Variants in EFCAB7 observed in about 807,000 individuals in gnomAD.
EFCAB7 encodes EF-hand calcium binding domain 7.
EFCAB7 carries 66 observed loss-of-function variants against 77.1 expected under a neutral mutation model. That is an observed-to-expected ratio of 0.86 (90% CI 0.70 to 1.05). The LOEUF (loss-of-function observed/expected upper bound fraction) is 1.05, where lower values mean the gene tolerates loss of function less well. Ranked by LOEUF, EFCAB7 falls within the 50% of genes least tolerant of loss-of-function variation. The probability of loss-of-function intolerance (pLI) is 0.00; values close to 1 mark genes in which losing one functional copy is unlikely to be tolerated. For missense variants in EFCAB7, 638 were observed against 730.5 expected (o/e 0.87, Z 1.46); for synonymous variants, 225 against 243.3 (o/e 0.92, Z 0.70).
In EFCAB7 at chr1:63,534,163, A is replaced by G; in HGVS notation, c.751A>G (p.Met251Val). The G allele has an allele frequency of 6.2e-7, 1 of 1,613,322 alleles. No homozygotes were observed. Among genetic ancestry groups the G allele is most frequent in the East Asian group, 2.2e-5 (1 of 44,804 alleles). ...AACATCTGTTTCCTTCACAGTTACCATGGGGGCTAATGGTAACCGAAACTC... is the reference window on the plus strand; with the variant it reads ...AACATCTGTTTCCTTCACAGTTACCGTGGGGGCTAATGGTAACCGAAACTC... ...FKTSVSFTVTMGANGNRNSKL... is the reference protein window; with the variant it reads ...FKTSVSFTVTVGANGNRNSKL... The change falls in exon 6 of 14, where the codon ATG becomes GTG. Residue 251 changes from methionine to valine, a missense_variant. By Grantham distance (21) the Met-to-Val change is conservative. Coordinates refer to ENST00000371088, the MANE Select transcript of EFCAB7 (RefSeq NM_032437.4).
intron 9 of EFCAB7, among the ~76,000 whole-genome samples, chr1:63,555,949 G>C (rs1273599744): frequency 6.6e-6 from 1 of 152,022 alleles, no homozygotes; most frequent in Admixed American, 6.6e-5. Context: ...TGTTGCCCAG[G>C]GTGGTCTCAA....
intron 2 of EFCAB7, among the ~76,000 whole-genome samples, chr1:63,530,697 T>C (rs1488473545): frequency 6.6e-6 from 1 of 152,198 alleles, no homozygotes. Flanking sequence ...TCTTGATTTT[T>C]AGCAGGACCA....
At chr1:63,580,235 T>C in the EFCAB7 span, among the ~76,000 whole-genome samples, 1 of 152,204 alleles carries the variant, frequency 6.6e-6, no homozygotes. Context: ...TTGAGTTAAT[T>C]TTTGTATGAG....
Position 63,568,716 on chromosome 1 carries a change from C to A in EFCAB7, c.1707+197C>A, listed in dbSNP as rs112962454. ...ATTTTTATATGATTTTTAAAGGTTT[C>A]CAATTTTTTCTCTTAAAATATTAGG... On this transcript the variant is annotated intron_variant, in intron 12 of 13. Transcript: ENST00000371088. 3.6e-3 allele frequency: 1,583 copies of A among 438,836 alleles called. 19 individuals are homozygous for A. Among genetic ancestry groups the A allele is most frequent in the African/African-American group, 0.03 (1,446 of 48,516 alleles). The allele number at this position is 438,836 out of a possible 1,614,324, so 27.2% of individuals were successfully genotyped here. A position where few individuals can be genotyped will look rare whatever the true frequency, so the allele number is the denominator to read the frequency against.
chr1:63,577,957 T>C, the EFCAB7 span, among the ~76,000 whole-genome samples: 1 of 152,252 alleles, frequency 6.6e-6, no homozygotes, highest in East Asian at 1.9e-4. Context: ...ATAATGTATT[T>C]TAAAATTTAA....
At chr1:63,561,023 CTTA>C (rs1441364722) in intron 10 of EFCAB7, among the ~76,000 whole-genome samples, 1 of 152,176 alleles carries the variant, frequency 6.6e-6, no homozygotes, top group Non-Finnish European at 1.5e-5. Flanking sequence ...TAAATAACGA[CTTA>C]TTATCCATGT....
chr1:63,555,649 C>T (rs1647022102), intron 9 of EFCAB7, 134 bp downstream of exon 9: 2 of 690,182 alleles, frequency 2.9e-6, no homozygotes, highest in Admixed American at 3.1e-5. Context: ...TTGTGAACAA[C>T]CTGTATGAAC....
At chr1:63,568,275 CA>C in intron 11 of EFCAB7, 34 bp from the exon 12 acceptor site, 1 of 1,506,198 alleles carries the variant, frequency 6.6e-7, no homozygotes, top group Non-Finnish European at 9.0e-7. Context: ...AAAATTCTAT[CA>C]AAAGGCTGAA....
At chr1:63,559,877 G>GA (rs749004224) in intron 10 of EFCAB7, among the ~76,000 whole-genome samples, 31 of 152,018 alleles carry the variant, frequency 2.0e-4, no homozygotes, top group Non-Finnish European at 3.8e-4. Flanking sequence ...CTGTTCCATT[G>GA]ATCTATTCAT....
In EFCAB7 at chr1:63,561,829, G is replaced by A. The variant is rs747392248; in HGVS notation, c.1469G>A (p.Gly490Asp). 18 of 1,594,538 alleles carry A rather than the reference G, an allele frequency of 1.1e-5. No individual in the cohort carries two copies. In the East Asian group the frequency reaches 1.1e-4, roughly 10 times the overall value. Reference protein sequence around the residue: ...CDLWVTLHSMGYNKALELTEA... With the variant: ...CDLWVTLHSMDYNKALELTEA... ...CTTTGGGTAACTCTACACTCTATGGGCTACAATAAAGCTCTGGAGTTGACA... is the reference window on the plus strand; with the variant it reads ...CTTTGGGTAACTCTACACTCTATGGACTACAATAAAGCTCTGGAGTTGACA... The change falls in exon 11 of 14, where the codon GGC becomes GAC. Residue 490 changes from glycine (G) to aspartate (D), a missense_variant. Coordinates refer to ENST00000371088, the MANE Select transcript of EFCAB7 (RefSeq NM_032437.4).
intron 6 of EFCAB7, among the ~76,000 whole-genome samples, chr1:63,544,898 A>T (rs1488750229): frequency 6.7e-6 from 1 of 150,226 alleles, no homozygotes; most frequent in Non-Finnish European, 1.5e-5. Flanking sequence ...TACTTTTTTC[A>T]ATACTTCATT....
At chr1:63,571,402 G>A (rs1353901046) in intron 13 of EFCAB7, among the ~76,000 whole-genome samples, 8 of 152,048 alleles carry the variant, frequency 5.3e-5, no homozygotes, top group South Asian at 2.1e-4. Context: ...GGCCGGGCAC[G>A]GTGGCTCACG....
Position 63,572,662 on chromosome 1 carries a change from A to T in EFCAB7, c.*146A>T. 6 of 1,037,390 alleles carry T rather than the reference A, an allele frequency of 5.8e-6. No homozygotes were observed. The highest frequency in any genetic ancestry group is 7.4e-6 in the Non-Finnish European group (6 of 805,752). 64.3% of individuals were successfully genotyped at this position (1,037,390 alleles called of 1,614,324 possible). A position where few individuals can be genotyped will look rare whatever the true frequency, so the allele number is the denominator to read the frequency against. On this transcript the variant is annotated 3_prime_UTR_variant, in exon 14 of 14. Transcript: ENST00000371088. ...TTTTCATTTTATGTCCATGGTATGT[A>T]CTTTATTATTAAAATATAAATAATG... is the stretch of plus-strand genomic sequence containing the variant.
intron 6 of EFCAB7, among the ~76,000 whole-genome samples, chr1:63,541,826 G>A (rs1322666889): frequency 1.3e-5 from 2 of 152,218 alleles, no homozygotes; most frequent in African/African-American, 4.8e-5. Flanking sequence ...GCCTCCCAAA[G>A]TGCTGGGATT....
In EFCAB7 at chr1:63,561,590, C is replaced by T. The variant is rs1301811167; in HGVS notation, c.1349-119C>T. The T allele has an allele frequency of 6.9e-6, 4 of 577,664 alleles. No individual in the cohort carries two copies. The South Asian group carries it at 1.2e-4, about 17-fold the overall frequency. The allele number at this position is 577,664 out of a possible 1,614,324, so 35.8% of individuals were successfully genotyped here. On this transcript the variant is annotated intron_variant, in intron 10 of 13. Coordinates refer to ENST00000371088, the MANE Select transcript of EFCAB7 (RefSeq NM_032437.4). ...ATTTTTATTCCACTTTTATCCTGCT[C>T]ATAGATTCATAGGCCTCTTTTAAAA...
chr1:63,551,624 G>T, intron 7 of EFCAB7, 101 bp from the exon 8 acceptor site: 11 of 462,880 alleles, frequency 2.4e-5, no homozygotes, highest in Admixed American at 4.5e-5. Context: ...TATTTCTAAA[G>T]AAAATATCCA....
intron 6 of EFCAB7, among the ~76,000 whole-genome samples, chr1:63,542,156 T>C (rs1289461477): frequency 3.3e-5 from 5 of 152,152 alleles, no homozygotes; most frequent in African/African-American, 1.2e-4. Context: ...CTCTCTGAAT[T>C]TGAAGTGGTC....
chr1:63,568,410 G>A lies in EFCAB7; in HGVS notation c.1598G>A (p.Cys533Tyr), dbSNP rs1223202379. 1 of 1,582,810 alleles carries A rather than the reference G, an allele frequency of 6.3e-7. No individual in the cohort carries two copies. Among genetic ancestry groups the A allele is most frequent in the South Asian group, 1.2e-5 (1 of 86,460 alleles). The change falls in exon 12 of 14, where the codon TGT becomes TAT. Residue 533 changes from cysteine to tyrosine, a missense_variant. Cys to Tyr is a radical substitution (Grantham distance 194). Coordinates refer to ENST00000371088, the MANE Select transcript of EFCAB7 (RefSeq NM_032437.4). ...ACSGQLEKAI[C>Y]KSVLSNGDAK... ...AGTGGACAACTTGAGAAGGCCATTT[G>A]TAAATCTGTTCTTAGCAACGGTGAT...
intron 10 of EFCAB7, 45 bp from the exon 11 acceptor site, chr1:63,561,664 G>T: frequency 1.5e-6 from 2 of 1,290,712 alleles, no homozygotes; most frequent in South Asian, 3.3e-5. Flanking sequence ...TTAAAGTTAT[G>T]AATTTTTAAA....
Sources: allele counts gnomAD v4.1 joint callset (sites outside exome capture counted in the v4.1 genomes callset), GRCh38; gene constraint gnomAD v4.1.1; transcripts MANE v1.5; gene names NCBI Gene and HGNC (gene_info 2026-07-23, HGNC 2026-07-21).